The following RAP1GDS1 variants were observed in gnomAD, a reference collection of about 807,000 sequenced individuals.
RAP1GDS1 encodes RAP1, GTP-GDP dissociation stimulator 1.
A neutral mutation model predicts 71.1 loss-of-function variants in RAP1GDS1; 35 were observed. The observed-to-expected ratio is 0.49, with a 90% CI of 0.38 to 0.65. RAP1GDS1 has a LOEUF of 0.65. Among genes scored for constraint, RAP1GDS1 ranks in the 30% least tolerant of loss-of-function variants. RAP1GDS1 has a pLI of 0.00. For synonymous variants in RAP1GDS1, 229 were observed against 243.1 expected (o/e 0.94, Z 0.54); for missense variants, 663 against 706.1 (o/e 0.94, Z 0.69).
At chr4:98,378,515 T>C (rs1449140637) in intron 4 of RAP1GDS1, among the ~76,000 whole-genome samples, 1 of 151,988 alleles carries the variant, frequency 6.6e-6, no homozygotes, top group African/African-American at 2.4e-5. Flanking sequence ...TTACACCATA[T>C]GGTTTTCTTT....
At chr4:98,268,268 T>C (rs1722973263) in intron 1 of RAP1GDS1, among the ~76,000 whole-genome samples, 1 of 152,186 alleles carries the variant, frequency 6.6e-6, no homozygotes, top group Non-Finnish European at 1.5e-5. Context: ...AAATTCAACA[T>C]ACTTTCATTT....
In RAP1GDS1 at chr4:98,436,063, G is replaced by A. The variant is rs1354446114; in HGVS notation, c.1568-877G>A. Among the ~76,000 whole-genome samples the A allele has an allele frequency of 5.5e-5, 8 of 146,366 alleles. No individual in the cohort carries two copies. In the South Asian group the frequency reaches 1.3e-3, roughly 24 times the overall value. ...TCCAGCCTGGGCGACAGAGCCAGACGCTGTCTCAAAAAAAAAATATATATA... is the reference window on the plus strand; with the variant it reads ...TCCAGCCTGGGCGACAGAGCCAGACACTGTCTCAAAAAAAAAATATATATA... On this transcript the variant is annotated intron_variant, in intron 13 of 14. Transcript: ENST00000408927.
chr4:98,318,162 A>C (rs1731225186), intron 2 of RAP1GDS1, among the ~76,000 whole-genome samples: 1 of 151,928 alleles, frequency 6.6e-6, no homozygotes, highest in Non-Finnish European at 1.5e-5. Context: ...TATATTCTTG[A>C]ACACTGAATC....
In RAP1GDS1 at chr4:98,443,138, G is replaced by T; in HGVS notation, c.*1021G>T. On this transcript the variant is annotated 3_prime_UTR_variant, in exon 15 of 15. Transcript: ENST00000408927. Reference sequence around the variant, plus strand: ...AGCAGGACGTAGGTGGAAAGATGAAGAAATAAGCTTGTCTAGACTAAAGAA... The same window carrying T: ...AGCAGGACGTAGGTGGAAAGATGAATAAATAAGCTTGTCTAGACTAAAGAA... 4.5e-6 allele frequency: 1 copy of T among 222,180 alleles called. No individual in the cohort carries two copies. The highest frequency in any genetic ancestry group is 6.5e-5 in the East Asian group (1 of 15,372). The allele number at this position is 222,180 out of a possible 1,614,324, so 13.8% of individuals were successfully genotyped here. A position where few individuals can be genotyped will look rare whatever the true frequency, so the allele number is the denominator to read the frequency against.
At position 98,347,682 on chromosome 4, in the gene RAP1GDS1, G is replaced by A. The variant is rs79534346; in HGVS notation, c.235+4421G>A. On this transcript the variant is annotated intron_variant, in intron 3 of 14. Coordinates refer to ENST00000408927, the MANE Select transcript of RAP1GDS1 (RefSeq NM_001100427.2). ...TTCAGCCTCTTTCCCTTGCAGTACT[G>A]CCCCTTTCCCCGAACCAAAATTTTC... Among the ~76,000 whole-genome samples, 27 of 152,080 alleles carry A rather than the reference G, an allele frequency of 1.8e-4. No individual in the cohort carries two copies. In the East Asian group the frequency reaches 4.8e-3, roughly 27 times the overall value.
At chr4:98,327,105 T>C (rs1362142947) in intron 2 of RAP1GDS1, among the ~76,000 whole-genome samples, 2 of 152,232 alleles carry the variant, frequency 1.3e-5, no homozygotes, top group African/African-American at 4.8e-5. Flanking sequence ...CAGTAGTTTC[T>C]ATTACTTCCA....
intron 11 of RAP1GDS1, 115 bp from the exon 12 acceptor site, chr4:98,421,140 T>G: frequency 8.4e-7 from 1 of 1,184,148 alleles, no homozygotes; most frequent in Non-Finnish European, 1.1e-6. Context: ...CTAGCTTTAA[T>G]GAAATTGTCG....
At chr4:98,348,486 A>C (rs1560880306) in intron 3 of RAP1GDS1, among the ~76,000 whole-genome samples, 2 of 152,178 alleles carry the variant, frequency 1.3e-5, no homozygotes, top group Non-Finnish European at 2.9e-5. Context: ...ATACCCAGTA[A>C]TGGGATTGCT....
At chr4:98,375,204 G>A (rs889288980) in intron 4 of RAP1GDS1, among the ~76,000 whole-genome samples, 6 of 152,052 alleles carry the variant, frequency 3.9e-5, no homozygotes, top group African/African-American at 1.4e-4. Flanking sequence ...GTGGTCCCAG[G>A]TGTTCTTTGG....
At position 98,379,031 on chromosome 4, in the gene RAP1GDS1, G is replaced by A. The variant is rs1741589408; in HGVS notation, c.376G>A (p.Ala126Thr). ...ICYDSHEGRS[A>T]VDQAGGAQIV... ...TTGTTTTACAGATGAGGGCAGAAGT[G>A]CAGTTGACCAAGCAGGTGGTGCACA... Residue 126 changes from alanine to threonine, a missense_variant, in exon 5 of 15, where the codon GCA (alanine) becomes ACA (threonine). By Grantham distance (58) the Ala-to-Thr change is moderately conservative. Coordinates refer to ENST00000408927, the MANE Select transcript of RAP1GDS1 (RefSeq NM_001100427.2). 5 of 1,599,910 alleles carry A rather than the reference G, an allele frequency of 3.1e-6. No homozygotes were observed. The highest frequency in any genetic ancestry group is 2.3e-5 in the South Asian group (2 of 88,090).
At chr4:98,400,413 GC>G (rs751662216) in intron 6 of RAP1GDS1, among the ~76,000 whole-genome samples, 2 of 151,362 alleles carry the variant, frequency 1.3e-5, no homozygotes, top group Non-Finnish European at 2.9e-5. Context: ...CTGTTTTCTT[GC>G]AACAACATGG....
intron 4 of RAP1GDS1, among the ~76,000 whole-genome samples, chr4:98,378,214 A>T (rs1393075303): frequency 6.6e-6 from 1 of 151,812 alleles, no homozygotes; most frequent in Non-Finnish European, 1.5e-5. Flanking sequence ...ATTTATTTTC[A>T]TTCTTATGTT....
intron 4 of RAP1GDS1, among the ~76,000 whole-genome samples, chr4:98,370,759 T>A (rs1001869583): frequency 6.6e-6 from 1 of 151,800 alleles, no homozygotes; most frequent in African/African-American, 2.4e-5. Flanking sequence ...TTAGTAGAGA[T>A]GGGGTTTTGC....
At chr4:98,325,868 C>T (rs1286087547) in intron 2 of RAP1GDS1, among the ~76,000 whole-genome samples, 1 of 150,144 alleles carries the variant, frequency 6.7e-6, no homozygotes, top group Non-Finnish European at 1.5e-5. Context: ...CACATGTATA[C>T]ATATGTAACT....
At chr4:98,352,410 AG>A in intron 3 of RAP1GDS1, 65 bp from the exon 4 acceptor site, 1 of 1,529,882 alleles carries the variant, frequency 6.5e-7, no homozygotes, top group Middle Eastern at 1.8e-4. Flanking sequence ...TTATTTTATT[AG>A]GGGAGATGAT....
intron 5 of RAP1GDS1, among the ~76,000 whole-genome samples, chr4:98,389,453 C>A (rs1201766008): frequency 6.6e-6 from 1 of 152,034 alleles, no homozygotes; most frequent in African/African-American, 2.4e-5. Context: ...AAAGAGAGCA[C>A]CCAGTTGGTC....
intron 1 of RAP1GDS1, 165 bp downstream of exon 1, chr4:98,261,734 C>CGGGTGCCGGGGCTGGGA (rs1197327043): frequency 1.1e-6 from 1 of 916,978 alleles, no homozygotes; most frequent in African/African-American, 1.7e-5. Context: ...GAACGCACGC[C>CGGGTGCCGGGGCTGGGA]GGGTGCCGGG....
chr4:98,380,933 C>T (rs1247616449), intron 5 of RAP1GDS1, among the ~76,000 whole-genome samples: 2 of 151,618 alleles, frequency 1.3e-5, no homozygotes, highest in African/African-American at 4.8e-5. Flanking sequence ...ATTAATATAT[C>T]AGATGGCTGG....
chr4:98,316,499 A>G (rs1049533642), intron 2 of RAP1GDS1, among the ~76,000 whole-genome samples: 1 of 152,078 alleles, frequency 6.6e-6, no homozygotes, highest in Non-Finnish European at 1.5e-5. Context: ...TAACCACTGT[A>G]TGTAGATTCA....
Sources: gnomAD v4.1 joint callset for allele counts (sites outside exome capture counted in the v4.1 genomes callset) on GRCh38, gnomAD v4.1.1 for gene constraint, MANE v1.5 for transcripts, NCBI Gene and HGNC (gene_info 2026-07-23, HGNC 2026-07-21) for gene names.